Variants in HIVEP1 observed in about 807,000 individuals in gnomAD.
HIVEP1 encodes HIVEP zinc finger 1.
HIVEP1 carries 36 observed loss-of-function variants against 180.0 expected under a neutral mutation model. The ratio of observed to expected loss-of-function variants is 0.20; its 90% CI spans 0.15 to 0.26. HIVEP1 has a LOEUF of 0.26. Among genes scored for constraint, HIVEP1 ranks in the 10% least tolerant of loss-of-function variants. The pLI is 1.00. For synonymous variants in HIVEP1, 1,239 were observed against 1,239.0 expected (o/e 1.00, Z 0.00); for missense variants, 3,143 against 3,268.7 (o/e 0.96, Z 0.94).
chr6:12,089,077 A>G (rs1274385882), intron 2 of HIVEP1, 107 bp from the exon 3 acceptor site: 2 of 589,460 alleles, frequency 3.4e-6, no homozygotes, highest in Non-Finnish European at 6.1e-6. Flanking sequence ...TATTCAACAC[A>G]TTTTTTACTA....
At chr6:12,079,344 G>A (rs1772609386) in intron 2 of HIVEP1, among the ~76,000 whole-genome samples, 1 of 152,104 alleles carries the variant, frequency 6.6e-6, no homozygotes, top group South Asian at 2.1e-4. Flanking sequence ...ATAATTATTA[G>A]ATCTATTTTT....
In HIVEP1 at chr6:12,163,773, C is replaced by T. The variant is rs775072467; in HGVS notation, c.7469C>T (p.Ser2490Leu). Reference sequence around the variant, plus strand: ...ACCCCAGGCTTGCAGTCACTCCCCTCGTTAAGCATGGAAACCGTCAATATT... The same window carrying T: ...ACCCCAGGCTTGCAGTCACTCCCCTTGTTAAGCATGGAAACCGTCAATATT... ...LSTPGLQSLP[S>L]LSMETVNIVG... The change falls in exon 9 of 9, where the codon TCG becomes TTG. Residue 2490 changes from serine (S) to leucine (L), a missense_variant. Ser to Leu is a moderately radical substitution (Grantham distance 145). Around this residue, in one of 12 missense-constraint regions of HIVEP1, gnomAD observed 595 missense variants for 602.2 expected, o/e 0.99. Coordinates refer to ENST00000379388, the MANE Select transcript of HIVEP1 (RefSeq NM_002114.4). The T allele has an allele frequency of 3.7e-6, 6 of 1,614,164 alleles. No homozygotes were observed. The highest frequency in any genetic ancestry group is 2.2e-5 in the East Asian group (1 of 44,878).
intron 7 of HIVEP1, among the ~76,000 whole-genome samples, chr6:12,160,156 A>G (rs1760308643): frequency 6.6e-6 from 1 of 152,236 alleles, no homozygotes; most frequent in Non-Finnish European, 1.5e-5. Context: ...AATTTTATTA[A>G]GCTTTCAGTG....
downstream of HIVEP1, among the ~76,000 whole-genome samples, chr6:12,166,009 T>C (rs376633439): frequency 2.0e-5 from 3 of 152,206 alleles, no homozygotes; most frequent in African/African-American, 7.2e-5. Context: ...CATATTTCCA[T>C]AGATTAAGTA....
intron 2 of HIVEP1, among the ~76,000 whole-genome samples, chr6:12,051,853 A>G (rs1323584411): frequency 1.3e-5 from 2 of 152,178 alleles, no homozygotes; most frequent in African/African-American, 4.8e-5. Flanking sequence ...CTTGTCCATA[A>G]TTATACTTCA....
At chr6:12,030,826 TTTC>T (rs1300886568) in intron 2 of HIVEP1, among the ~76,000 whole-genome samples, 1 of 152,244 alleles carries the variant, frequency 6.6e-6, no homozygotes, top group Non-Finnish European at 1.5e-5. Context: ...TGGGTCACAC[TTTC>T]TTATTTCTCT....
chr6:12,083,666 T>C (rs1321842360), intron 2 of HIVEP1, among the ~76,000 whole-genome samples: 1 of 152,158 alleles, frequency 6.6e-6, no homozygotes. Context: ...CTCAGGATAT[T>C]TGTTAGGATA....
intron 3 of HIVEP1, among the ~76,000 whole-genome samples, chr6:12,093,769 ATTAC>A (rs1188268313): frequency 1.3e-4 from 20 of 152,038 alleles, no homozygotes; most frequent in Non-Finnish European, 7.4e-5. Flanking sequence ...CAGTATGTTA[ATTAC>A]TTACCACTTT....
At chr6:12,130,746 C>A in intron 5 of HIVEP1, 21 bp from the exon 6 acceptor site, 1 of 1,431,758 alleles carries the variant, frequency 7.0e-7, no homozygotes, top group South Asian at 1.3e-5. Flanking sequence ...TCTCCCTATT[C>A]ATTTTTTTTC....
chr6:12,187,440 T>C, the HIVEP1 span, among the ~76,000 whole-genome samples: 10 of 152,048 alleles, frequency 6.6e-5, no homozygotes, highest in Non-Finnish European at 1.5e-5. Flanking sequence ...ACCTCACCCA[T>C]CCCTTGCGTC....
chr6:12,169,962 T>C (rs1760854346), downstream of HIVEP1, among the ~76,000 whole-genome samples: 3 of 151,282 alleles, frequency 2.0e-5, no homozygotes, highest in Admixed American at 1.3e-4. Flanking sequence ...CTACTACAAA[T>C]ACAAAAAAAG....
Position 12,122,319 on chromosome 6 carries a change from A to G in HIVEP1, c.2524A>G (p.Met842Val), listed in dbSNP as rs1225593837. Reference sequence around the variant, plus strand: ...TTTACCTATCACAAGAAGTAATTCCATGCCGACCACAGGTTATTCAGCAGT... The same window carrying G: ...TTTACCTATCACAAGAAGTAATTCCGTGCCGACCACAGGTTATTCAGCAGT... ...DCLPITRSNSMPTTGYSAVPA... is the reference protein window; with the variant it reads ...DCLPITRSNSVPTTGYSAVPA... Residue 842 changes from methionine (M) to valine (V), a missense_variant, in exon 4 of 9, where the codon ATG becomes GTG. Physicochemically the swap from Met to Val is conservative, Grantham distance 21. Around this residue, in one of 12 missense-constraint regions of HIVEP1, gnomAD observed 204 missense variants for 243.7 expected, o/e 0.84. Transcript: ENST00000379388. 6.2e-7 allele frequency: 1 copy of G among 1,614,246 alleles called. No homozygotes were observed. Among genetic ancestry groups the G allele is most frequent in the Non-Finnish European group, 8.5e-7 (1 of 1,180,032 alleles).
the HIVEP1 span, among the ~76,000 whole-genome samples, chr6:12,211,250 A>T: frequency 2.0e-5 from 2 of 99,080 alleles, 1 homozygote; most frequent in East Asian, 8.0e-4. Context: ...ATACAAAAAA[A>T]TTAGCCGGGC....
chr6:12,031,224 G>T (rs747525963), intron 2 of HIVEP1, among the ~76,000 whole-genome samples: 2 of 152,148 alleles, frequency 1.3e-5, no homozygotes, highest in Non-Finnish European at 2.9e-5. Context: ...ATCTGTCCTG[G>T]CTTTAACTTT....
In HIVEP1 at chr6:12,164,727, G is replaced by A. The variant is rs1017303753; in HGVS notation, c.*266G>A. 7 of 229,106 alleles carry A rather than the reference G, an allele frequency of 3.1e-5. No individual in the cohort carries two copies. The highest frequency in any genetic ancestry group is 1.6e-4 in the African/African-American group (7 of 43,606). The allele number at this position is 229,106 out of a possible 1,614,324, so 14.2% of individuals were successfully genotyped here. On this transcript the variant is annotated 3_prime_UTR_variant, in exon 9 of 9. Coordinates refer to ENST00000379388, the MANE Select transcript of HIVEP1 (RefSeq NM_002114.4). ...ATATACATAAAAATATATTATATATGTATATGAAAACCAGGTAGTTATTTG... is the reference window on the plus strand; with the variant it reads ...ATATACATAAAAATATATTATATATATATATGAAAACCAGGTAGTTATTTG...
chr6:12,145,817 G>T (rs988921437), intron 7 of HIVEP1, among the ~76,000 whole-genome samples: 4 of 152,080 alleles, frequency 2.6e-5, no homozygotes, highest in African/African-American at 9.7e-5. Context: ...ATGATGTTTT[G>T]CTTGCTGCTG....
At chr6:12,195,925 G>T in the HIVEP1 span, among the ~76,000 whole-genome samples, 1 of 152,168 alleles carries the variant, frequency 6.6e-6, no homozygotes, top group Non-Finnish European at 1.5e-5. Context: ...ATAACTATCC[G>T]TTCACCTTTG....
At chr6:12,019,851 T>C (rs1235842017) in intron 2 of HIVEP1, among the ~76,000 whole-genome samples, 2 of 152,194 alleles carry the variant, frequency 1.3e-5, no homozygotes, top group Non-Finnish European at 2.9e-5. Flanking sequence ...AATGTGAATT[T>C]TACTTGGGGA....
chr6:12,046,876 T>TGTGTGTGTGTGTGTGTGTGTGTGTG (rs1561885761), intron 2 of HIVEP1, among the ~76,000 whole-genome samples: 4 of 150,926 alleles, frequency 2.7e-5, no homozygotes, highest in African/African-American at 7.3e-5. Context: ...TGTGTGTGTG[T>TGTGTGTGTGTGTGTGTGTGTGTGTG]TTGAGATGGA....
Sources: allele counts gnomAD v4.1 joint callset (sites outside exome capture counted in the v4.1 genomes callset), GRCh38; gene constraint gnomAD v4.1.1; regional missense constraint gnomAD v4.1.1; transcripts MANE v1.5; gene names NCBI Gene and HGNC (gene_info 2026-07-23, HGNC 2026-07-21).